Variants in PIK3AP1 observed in about 807,000 individuals in gnomAD.
PIK3AP1 encodes phosphoinositide 3-kinase adapter protein 1.
In PIK3AP1, 21 loss-of-function variants were observed where a neutral mutation model predicts 88.1. The observed-to-expected ratio is 0.24, with a 90% CI of 0.17 to 0.34. The LOEUF is 0.34. Among genes scored for constraint, PIK3AP1 ranks in the 10% least tolerant of loss-of-function variants. PIK3AP1 has a pLI of 1.00. For synonymous variants in PIK3AP1, 398 were observed against 400.0 expected, an observed-to-expected ratio of 1.00 and a Z score of 0.06; for missense variants, 828 against 1,035.7, an observed-to-expected ratio of 0.80 and a Z score of 2.75.
chr10:96,669,189 A>G (rs973190857), intron 2 of PIK3AP1, among the ~76,000 whole-genome samples: 5 of 152,152 alleles, frequency 3.3e-5, no homozygotes, highest in African/African-American at 1.2e-4. Context: ...GAGTTACCCA[A>G]GGTCTGGAGA....
Position 96,655,629 on chromosome 10 carries a change from G to T in PIK3AP1, c.567+1169C>A, listed in dbSNP as rs537783197. Among the ~76,000 whole-genome samples the T allele has an allele frequency of 1.5e-4, 23 of 152,340 alleles. 1 individual carries two copies. The South Asian group carries it at 4.6e-3, about 30-fold the overall frequency. On this transcript the variant is annotated intron_variant, in intron 3 of 16. Coordinates refer to ENST00000339364, the MANE Select transcript of PIK3AP1 (RefSeq NM_152309.3). ...CACAATTCCCAGTGAGAGGAACCTGGTGGGAGGTGATTGAATTATGGGGGG... is the reference window on the plus strand; with the variant it reads ...CACAATTCCCAGTGAGAGGAACCTGTTGGGAGGTGATTGAATTATGGGGGG...
At chr10:96,610,568 C>A (rs1235590081) in intron 13 of PIK3AP1, among the ~76,000 whole-genome samples, 1 of 152,088 alleles carries the variant, frequency 6.6e-6, no homozygotes, top group African/African-American at 2.4e-5. Flanking sequence ...GTGGCCCACA[C>A]ACACAGTAAT....
At chr10:96,649,501 A>C (rs150215145) in intron 6 of PIK3AP1, among the ~76,000 whole-genome samples, 51 of 152,314 alleles carry the variant, frequency 3.3e-4, no homozygotes, top group African/African-American at 1.2e-3. Flanking sequence ...TCATGTTTTG[A>C]ACTTCTCTGC....
At chr10:96,652,300 T>C (rs938882121) in intron 4 of PIK3AP1, among the ~76,000 whole-genome samples, 2 of 152,164 alleles carry the variant, frequency 1.3e-5, no homozygotes, top group Non-Finnish European at 2.9e-5. Context: ...AGTAGCTGGG[T>C]GCCGTGGCTC....
chr10:96,710,055 G>A (rs1844419664), intron 1 of PIK3AP1, 72 bp from the exon 2 acceptor site: 14 of 1,456,390 alleles, frequency 9.6e-6, no homozygotes, highest in Admixed American at 4.4e-5. Flanking sequence ...AGCCTGCAAA[G>A]GTAGAGCATC....
At chr10:96,675,157 C>T (rs1229909716) in intron 2 of PIK3AP1, among the ~76,000 whole-genome samples, 2 of 147,400 alleles carry the variant, frequency 1.4e-5, no homozygotes, top group East Asian at 2.1e-4. Context: ...CCACCCAAAG[C>T]GCTAGGATTA....
chr10:96,620,987 C>T (rs920009931), intron 11 of PIK3AP1: 4 of 174,018 alleles, frequency 2.3e-5, no homozygotes, highest in Admixed American at 1.7e-4. Context: ...CAGTCTCTTT[C>T]CAGAGGTCAG....
intron 10 of PIK3AP1, 145 bp downstream of exon 10, chr10:96,626,563 A>C (rs1843155942): frequency 1.2e-6 from 1 of 866,668 alleles, no homozygotes; most frequent in Non-Finnish European, 1.7e-6. Flanking sequence ...CTGTCCCAAG[A>C]TATGACCCTG....
chr10:96,710,017 A>T, intron 1 of PIK3AP1, 34 bp from the exon 2 acceptor site: 1 of 1,539,626 alleles, frequency 6.5e-7, no homozygotes, highest in African/African-American at 1.4e-5. Context: ...GCATGTTAGC[A>T]CACCTCCCCT....
At chr10:96,614,865 G>C (rs1849188044) in intron 13 of PIK3AP1, among the ~76,000 whole-genome samples, 1 of 152,252 alleles carries the variant, frequency 6.6e-6, no homozygotes, top group African/African-American at 2.4e-5. Flanking sequence ...GGAGCACACA[G>C]CAGACAAGTT....
chr10:96,679,456 A>C (rs1043100468), intron 2 of PIK3AP1, among the ~76,000 whole-genome samples: 1 of 151,978 alleles, frequency 6.6e-6, no homozygotes, highest in Non-Finnish European at 1.5e-5. Context: ...TGGACCTGGG[A>C]GGCGGAAGTT....
chr10:96,629,426 T>A (rs555856498), intron 8 of PIK3AP1, among the ~76,000 whole-genome samples: 2 of 151,954 alleles, frequency 1.3e-5, no homozygotes. Context: ...TTTAAAAAAA[T>A]CTGACATAAA....
intron 1 of PIK3AP1, among the ~76,000 whole-genome samples, chr10:96,718,759 G>A (rs776884385): frequency 1.3e-5 from 2 of 152,118 alleles, no homozygotes; most frequent in Admixed American, 1.3e-4. Context: ...CCCAGTTTGC[G>A]GTTTCCTGGA....
intron 13 of PIK3AP1, 113 bp from the exon 14 acceptor site, chr10:96,609,980 G>A (rs1279742829): frequency 8.2e-6 from 11 of 1,335,690 alleles, no homozygotes; most frequent in African/African-American, 3.0e-5. Context: ...ATGGGAAGGG[G>A]AAGGGGAAGG....
At chr10:96,700,777 A>G in intron 2 of PIK3AP1, 8 of 981,608 alleles carry the variant, frequency 8.1e-6, no homozygotes, top group Non-Finnish European at 9.7e-6. Flanking sequence ...GTGCCCCATA[A>G]GCCCCAGAAG....
intron 2 of PIK3AP1, among the ~76,000 whole-genome samples, chr10:96,678,615 A>G (rs1843958029): frequency 6.6e-6 from 1 of 152,156 alleles, no homozygotes; most frequent in Admixed American, 6.5e-5. Flanking sequence ...TAAATGCACT[A>G]TAGAAGGAGG....
At chr10:96,715,254 A>G (rs1844487095) in intron 1 of PIK3AP1, among the ~76,000 whole-genome samples, 2 of 152,250 alleles carry the variant, frequency 1.3e-5, no homozygotes, top group South Asian at 4.2e-4. Flanking sequence ...ACTGACCAGT[A>G]CTCCTCAAGA....
chr10:96,691,584 G>T (rs867563603), intron 2 of PIK3AP1, among the ~76,000 whole-genome samples: 1 of 152,186 alleles, frequency 6.6e-6, no homozygotes, highest in Non-Finnish European at 1.5e-5. Flanking sequence ...TTGGACTGGG[G>T]CCAGTGTTCC....
chr10:96,686,896 G>A (rs1027122831), intron 2 of PIK3AP1, among the ~76,000 whole-genome samples: 1 of 152,192 alleles, frequency 6.6e-6, no homozygotes, highest in African/African-American at 2.4e-5. Flanking sequence ...ATGGATGGAG[G>A]TGGGTGTGCC....
Sources: allele counts gnomAD v4.1 joint callset (sites outside exome capture counted in the v4.1 genomes callset), GRCh38; gene constraint gnomAD v4.1.1; transcripts MANE v1.5; gene names NCBI Gene and HGNC (gene_info 2026-07-23, HGNC 2026-07-21).